Variants in SAMD3 observed in about 807,000 individuals in gnomAD.
The protein encoded by SAMD3 is sterile alpha motif domain containing 3, also known as sterile alpha motif domain-containing protein 3.
SAMD3 carries 63 observed loss-of-function variants against 58.5 expected under a neutral mutation model. The ratio of observed to expected loss-of-function variants is 1.08; its 90% CI spans 0.88 to 1.33. The LOEUF (loss-of-function observed/expected upper bound fraction) is 1.33, where lower values mean the gene tolerates loss of function less well. SAMD3 is among the 40% of genes most tolerant of loss of function. The pLI is 0.00. For missense variants in SAMD3, 604 were observed against 608.4 expected (o/e 0.99, Z 0.08); for synonymous variants, 220 against 210.3 (o/e 1.05, Z -0.40).
intron 2 of SAMD3, among the ~76,000 whole-genome samples, chr6:130,309,857 T>C (rs991244972): frequency 6.6e-6 from 1 of 152,206 alleles, no homozygotes; most frequent in African/African-American, 2.4e-5. Flanking sequence ...TTTTTAATTG[T>C]ATATTTCAGC....
intron 5 of SAMD3, among the ~76,000 whole-genome samples, chr6:130,196,767 C>T (rs1274136493): frequency 1.3e-5 from 2 of 152,196 alleles, no homozygotes; most frequent in Non-Finnish European, 2.9e-5. Flanking sequence ...ACTCAACATG[C>T]CCCGAGTCAG....
intron 8 of SAMD3, among the ~76,000 whole-genome samples, chr6:130,170,436 C>T (rs1481642113): frequency 6.6e-6 from 1 of 152,162 alleles, no homozygotes; most frequent in Non-Finnish European, 1.5e-5. Flanking sequence ...TTTTCTTTAT[C>T]CAGTCTATCA....
chr6:130,342,891 G>A (rs1777316139), intron 1 of SAMD3, among the ~76,000 whole-genome samples: 1 of 152,162 alleles, frequency 6.6e-6, no homozygotes, highest in African/African-American at 2.4e-5. Flanking sequence ...GACTTAGTAA[G>A]CAATGTAGAT....
At position 130,208,488 on chromosome 6, in the gene SAMD3, A is replaced by G. The variant is rs547932885; in HGVS notation, c.383+1007T>C. Among the ~76,000 whole-genome samples the G allele has an allele frequency of 2.6e-5, 4 of 152,262 alleles. No homozygotes were observed. The South Asian group carries it at 8.3e-4, about 32-fold the overall frequency. ...TCATCTGTATTTATAGCCACACCCC[A>G]TCACTGGCATTACCACCTGAGCTCC... On this transcript the variant is annotated intron_variant, in intron 5 of 11. Transcript: ENST00000439090.
chr6:130,179,060 T>G (rs1228151288), intron 7 of SAMD3, among the ~76,000 whole-genome samples: 1 of 152,220 alleles, frequency 6.6e-6, no homozygotes, highest in African/African-American at 2.4e-5. Flanking sequence ...CCTGTAGCTC[T>G]GAAGGGTTTC....
intron 2 of SAMD3, among the ~76,000 whole-genome samples, chr6:130,287,761 T>C (rs897305617): frequency 6.6e-6 from 1 of 152,036 alleles, no homozygotes; most frequent in Non-Finnish European, 1.5e-5. Flanking sequence ...CTGGCCAACA[T>C]AGTGAAACCT....
chr6:130,211,203 G>A (rs1052870801), intron 4 of SAMD3, among the ~76,000 whole-genome samples: 10 of 151,536 alleles, frequency 6.6e-5, no homozygotes, highest in East Asian at 1.9e-4. Context: ...AACCTTAGTC[G>A]CCACAACCCC....
At chr6:130,362,438 T>C (rs2115048353) in intron 1 of SAMD3, among the ~76,000 whole-genome samples, 1 of 152,332 alleles carries the variant, frequency 6.6e-6, no homozygotes, top group South Asian at 2.1e-4. Flanking sequence ...CAGTCAAATC[T>C]CTATTATCTT....
intron 5 of SAMD3, among the ~76,000 whole-genome samples, chr6:130,204,694 C>G (rs906755685): frequency 1.3e-5 from 2 of 151,772 alleles, no homozygotes; most frequent in African/African-American, 4.8e-5. Context: ...AATTCACCCA[C>G]TGGAACACAC....
intron 9 of SAMD3, among the ~76,000 whole-genome samples, chr6:130,153,680 A>T (rs762203767): frequency 8.8e-4 from 121 of 137,140 alleles, no homozygotes; most frequent in Admixed American, 2.9e-3. Flanking sequence ...TTATTTATTT[A>T]TTTTTTAAAA....
chr6:130,296,126 A>G (rs77244397), intron 2 of SAMD3, among the ~76,000 whole-genome samples: 3,836 of 152,314 alleles, frequency 0.025, 68 homozygotes, highest in Non-Finnish European at 0.04. Context: ...TTGGTGGATG[A>G]AAAGAGAATG....
chr6:130,235,692 A>C (rs1773124641), intron 2 of SAMD3, among the ~76,000 whole-genome samples: 1 of 152,220 alleles, frequency 6.6e-6, no homozygotes, highest in Admixed American at 6.5e-5. Flanking sequence ...ATAATAGAGT[A>C]ATTGCTTCTC....
intron 7 of SAMD3, among the ~76,000 whole-genome samples, chr6:130,176,968 G>A (rs1791785765): frequency 6.6e-6 from 1 of 152,142 alleles, no homozygotes; most frequent in Non-Finnish European, 1.5e-5. Context: ...CCCCATTAAG[G>A]AACCTCAATG....
chr6:130,224,262 G>A (rs186494404), upstream of SAMD3, among the ~76,000 whole-genome samples: 3 of 152,202 alleles, frequency 2.0e-5, no homozygotes, highest in Admixed American at 2.0e-4. Context: ...GGTTTTTATA[G>A]GCAGAGGATG....
At chr6:130,314,167 G>A (rs1046541046) in intron 1 of SAMD3, among the ~76,000 whole-genome samples, 2 of 152,014 alleles carry the variant, frequency 1.3e-5, no homozygotes, top group Admixed American at 6.6e-5. Flanking sequence ...AATGGTTTTG[G>A]TTAAAGAAAA....
At chr6:130,352,886 T>A (rs568610353) in intron 1 of SAMD3, among the ~76,000 whole-genome samples, 5 of 152,336 alleles carry the variant, frequency 3.3e-5, no homozygotes, top group African/African-American at 1.2e-4. Flanking sequence ...CTGTAGAAAT[T>A]TTTGGTTTTA....
At chr6:130,153,234 C>T (rs1265562676) in intron 9 of SAMD3, among the ~76,000 whole-genome samples, 1 of 152,174 alleles carries the variant, frequency 6.6e-6, no homozygotes, top group Non-Finnish European at 1.5e-5. Context: ...ACTTTTCTAA[C>T]AGCCAGAGAT....
intron 2 of SAMD3, among the ~76,000 whole-genome samples, chr6:130,300,005 T>G (rs918941785): frequency 3.9e-5 from 6 of 152,258 alleles, no homozygotes; most frequent in African/African-American, 1.4e-4. Flanking sequence ...ACCAGATGCA[T>G]TTAGAGCCAA....
chr6:130,281,980 C>A (rs1774996941), intron 2 of SAMD3, among the ~76,000 whole-genome samples: 1 of 152,172 alleles, frequency 6.6e-6, no homozygotes, highest in Non-Finnish European at 1.5e-5. Context: ...AACTTTTCAG[C>A]ATTTGCACAT....
Sources: allele counts gnomAD v4.1 joint callset (sites outside exome capture counted in the v4.1 genomes callset), GRCh38; gene constraint gnomAD v4.1.1; transcripts MANE v1.5; gene names NCBI Gene and HGNC (gene_info 2026-07-23, HGNC 2026-07-21).